The following MYO5A variants were observed in gnomAD, a reference collection of about 807,000 sequenced individuals.
The protein encoded by MYO5A is myosin VA, also known as unconventional myosin-Va.
In MYO5A, 98 loss-of-function variants were observed where a neutral mutation model predicts 249.7. That is an observed-to-expected ratio of 0.39 (90% CI 0.33 to 0.46). MYO5A has a LOEUF of 0.46. Ranked by LOEUF, MYO5A falls within the 20% of genes least tolerant of loss-of-function variation. The probability of loss-of-function intolerance (pLI) is 0.98; values close to 1 mark genes in which losing one functional copy is unlikely to be tolerated. For synonymous variants in MYO5A, 778 were observed against 810.6 expected (o/e 0.96, Z 0.68); for missense variants, 1,696 against 2,308.8 (o/e 0.73, Z 5.44).
At chr15:52,428,615 CT>C in intron 2 of MYO5A, 46 bp from the exon 3 acceptor site, 1 of 1,600,578 alleles carries the variant, frequency 6.2e-7, no homozygotes, top group East Asian at 2.2e-5. Context: ...ATGGCAAGGA[CT>C]GTGAAAGAGG....
chr15:52,450,183 G>C (rs1455163441), intron 1 of MYO5A, among the ~76,000 whole-genome samples: 1 of 151,944 alleles, frequency 6.6e-6, no homozygotes, highest in Non-Finnish European at 1.5e-5. Context: ...TTCAGGATAA[G>C]ACTTTCTGGG....
intron 16 of MYO5A, among the ~76,000 whole-genome samples, chr15:52,381,349 T>C (rs1432157140): frequency 6.6e-6 from 1 of 151,980 alleles, no homozygotes; most frequent in Non-Finnish European, 1.5e-5. Flanking sequence ...TTCAGAACTG[T>C]GCTCCAGTCT....
chr15:52,354,532 CA>C (rs2040113329), intron 25 of MYO5A, among the ~76,000 whole-genome samples: 1 of 152,076 alleles, frequency 6.6e-6, no homozygotes, highest in South Asian at 2.1e-4. Context: ...ATGGTATAGC[CA>C]AACTGTGAAA....
chr15:52,354,134 T>C (rs2040088751), intron 25 of MYO5A, 120 bp from the exon 26 acceptor site: 1 of 1,159,130 alleles, frequency 8.6e-7, no homozygotes, highest in South Asian at 1.5e-5. Context: ...AATACAAACA[T>C]CTAGAGAATA....
At position 52,312,845 on chromosome 15, in the gene MYO5A, C is replaced by CAAT. The variant is rs1393482401; in HGVS notation, c.*848_*850dup. 2 of 152,260 alleles carry CAAT rather than the reference C, an allele frequency of 1.3e-5. No individual in the cohort carries two copies. Among genetic ancestry groups the CAAT allele is most frequent in the Non-Finnish European group, 2.9e-5 (2 of 68,038 alleles). 9.4% of individuals were successfully genotyped at this position (152,260 alleles called of 1,614,324 possible). A position where few individuals can be genotyped will look rare whatever the true frequency, so the allele number is the denominator to read the frequency against. The stretch of plus-strand genomic sequence containing the variant: ...CATCCTGAATAAATAATGACATCAA[C>CAAT]AATAGCCACTTTGTCTAATCCTACC... On this transcript the variant is annotated 3_prime_UTR_variant, in exon 42 of 42. Transcript: ENST00000399233.
Position 52,334,739 on chromosome 15 carries a change from CAG to C in MYO5A, c.4408+1722_4408+1723del, listed in dbSNP as rs199890290. On this transcript the variant is annotated intron_variant, in intron 34 of 41. Coordinates refer to ENST00000399233, the MANE Select transcript of MYO5A (RefSeq NM_001382347.1). ...TAGGTGCTGTGAAAGCAAAGGGAAA[CAG>C]AGATGTTTTCTATGCTCAGGAAGCT... 6.1e-3 allele frequency among the ~76,000 whole-genome samples: 932 copies of C among 152,284 alleles called. 10 individuals carry two copies. Among genetic ancestry groups the C allele is most frequent in the African/African-American group, 0.021 (891 of 41,556 alleles).
intron 1 of MYO5A, among the ~76,000 whole-genome samples, chr15:52,446,069 T>A (rs1241345315): frequency 6.6e-6 from 1 of 152,196 alleles, no homozygotes; most frequent in African/African-American, 2.4e-5. Flanking sequence ...GAAATTTGCA[T>A]AACTAAAAGA....
chr15:52,435,644 C>T (rs1226825678), intron 1 of MYO5A: 1 of 455,432 alleles, frequency 2.2e-6, no homozygotes, highest in Non-Finnish European at 4.4e-6. Context: ...GGTATATTGC[C>T]ATAGTTTCCA....
Position 52,376,515 on chromosome 15 carries a change from C to T in MYO5A, c.2252G>A (p.Arg751His). 6 of 1,614,076 alleles carry T rather than the reference C, an allele frequency of 3.7e-6. No individual in the cohort carries two copies. Among genetic ancestry groups the T allele is most frequent in the Non-Finnish European group, 5.1e-6 (6 of 1,180,016 alleles). The change falls in exon 19 of 42, where the codon CGT becomes CAT. Residue 751 changes from arginine (R) to histidine (H), a missense_variant. Physicochemically the swap from Arg to His is conservative, Grantham distance 29. Coordinates refer to ENST00000399233, the MANE Select transcript of MYO5A (RefSeq NM_001382347.1). Reference sequence around the variant, plus strand: ...TTCTAGATAGGCCACTTGACCGGCACGGAAAAAGATCTTTGTCTTACCAAA... The same window carrying T: ...TTCTAGATAGGCCACTTGACCGGCATGGAAAAAGATCTTTGTCTTACCAAA... ...YQFGKTKIFF[R>H]AGQVAYLEKL...
At chr15:52,319,496 C>T (rs538245738) in intron 38 of MYO5A, among the ~76,000 whole-genome samples, 154 bp from the exon 39 acceptor site, 5 of 152,204 alleles carry the variant, frequency 3.3e-5, no homozygotes, top group Admixed American at 2.6e-4. Context: ...GGGAGGCCGC[C>T]GAGGTGGGTG....
chr15:52,478,606 A>C (rs888321835), intron 1 of MYO5A, among the ~76,000 whole-genome samples: 1 of 152,214 alleles, frequency 6.6e-6, no homozygotes, highest in Admixed American at 6.5e-5. Flanking sequence ...AAAATTATCA[A>C]ACTATCCTTT....
intron 5 of MYO5A, among the ~76,000 whole-genome samples, chr15:52,413,141 C>G (rs1276628598): frequency 3.1e-5 from 4 of 127,292 alleles, no homozygotes; most frequent in Non-Finnish European, 4.9e-5. Context: ...GAGCGAAACT[C>G]TGTCTCAAAA....
chr15:52,322,801 C>T (rs1197027173), intron 37 of MYO5A, among the ~76,000 whole-genome samples: 1 of 148,998 alleles, frequency 6.7e-6, no homozygotes, highest in African/African-American at 2.5e-5. Context: ...TTAAGGTCCT[C>T]TTATTGTCCA....
rs1268974531 is a variant in MYO5A at position 52,312,888 on chromosome 15, T to C, written c.*808A>G. On this transcript the variant is annotated 3_prime_UTR_variant, in exon 42 of 42. Coordinates refer to ENST00000399233, the MANE Select transcript of MYO5A (RefSeq NM_001382347.1). The stretch of plus-strand genomic sequence containing the variant: ...ATCCTACCCCTAAATGTCAAGCATT[T>C]TGTCATATTACTACATGACTTTCCA... 2 of 152,422 alleles carry C rather than the reference T, an allele frequency of 1.3e-5. No individual in the cohort carries two copies. Among genetic ancestry groups the C allele is most frequent in the Non-Finnish European group, 2.9e-5 (2 of 68,038 alleles). The allele number at this position is 152,422 out of a possible 1,614,324, so 9.4% of individuals were successfully genotyped here.
intron 1 of MYO5A, among the ~76,000 whole-genome samples, chr15:52,456,517 G>C (rs952835297): frequency 1.2e-4 from 18 of 150,968 alleles, no homozygotes; most frequent in Admixed American, 8.6e-4. Flanking sequence ...TAGCAATCCT[G>C]AGCAAAAAAA....
chr15:52,338,610 T>C (rs2039234228), intron 32 of MYO5A, among the ~76,000 whole-genome samples: 1 of 152,232 alleles, frequency 6.6e-6, no homozygotes, highest in Non-Finnish European at 1.5e-5. Context: ...TCCTCCTGAA[T>C]TAGTAGTCAG....
At chr15:52,423,500 T>C (rs1595653940) in intron 4 of MYO5A, among the ~76,000 whole-genome samples, 1 of 150,648 alleles carries the variant, frequency 6.6e-6, no homozygotes, top group East Asian at 1.9e-4. Context: ...TGCAGTGAGC[T>C]GAGATTGCGC....
At chr15:52,382,383 C>G (rs953426265) in intron 16 of MYO5A, among the ~76,000 whole-genome samples, 1 of 151,990 alleles carries the variant, frequency 6.6e-6, no homozygotes, top group African/African-American at 2.4e-5. Context: ...ACCAGCCTGG[C>G]CAAGATGATG....
At chr15:52,522,727 T>C (rs1353909728) in intron 1 of MYO5A, among the ~76,000 whole-genome samples, 1 of 151,574 alleles carries the variant, frequency 6.6e-6, no homozygotes, top group African/African-American at 2.4e-5. Context: ...TCATCTCTCC[T>C]CTCCCACATT....
Sources: gnomAD v4.1 joint callset for allele counts (sites outside exome capture counted in the v4.1 genomes callset) on GRCh38, gnomAD v4.1.1 for gene constraint, MANE v1.5 for transcripts, NCBI Gene and HGNC (gene_info 2026-07-23, HGNC 2026-07-21) for gene names.